RASSF8: variants seen among roughly 807,000 people sequenced by gnomAD.
RASSF8 encodes the protein ras association domain-containing protein 8.
In RASSF8, 22 loss-of-function variants were observed where a neutral mutation model predicts 48.5. That is an observed-to-expected ratio of 0.45 (90% CI 0.32 to 0.65). The LOEUF (loss-of-function observed/expected upper bound fraction) is 0.65. Among genes scored for constraint, RASSF8 ranks in the 30% least tolerant of loss-of-function variants. RASSF8 has a pLI of 0.03. For missense variants in RASSF8, 418 were observed against 489.2 expected, an observed-to-expected ratio of 0.85 and a Z score of 1.37; for synonymous variants, 127 against 171.5, an observed-to-expected ratio of 0.74 and a Z score of 2.03.
intron 2 of RASSF8, among the ~76,000 whole-genome samples, chr12:26,006,290 C>G (rs1472312494): frequency 6.6e-6 from 1 of 152,164 alleles, no homozygotes; most frequent in African/African-American, 2.4e-5. Flanking sequence ...AATCTGGGTG[C>G]AAGTCAGCTT....
At chr12:26,047,058 G>A (rs1345113662) in intron 2 of RASSF8, among the ~76,000 whole-genome samples, 1 of 152,104 alleles carries the variant, frequency 6.6e-6, no homozygotes, top group African/African-American at 2.4e-5. Flanking sequence ...AGCTTTAACG[G>A]GAGTTAAACC....
intron 2 of RASSF8, among the ~76,000 whole-genome samples, chr12:26,028,345 C>G (rs557407661): frequency 6.6e-6 from 1 of 152,058 alleles, no homozygotes; most frequent in Non-Finnish European, 1.5e-5. Context: ...TGTGTGATAA[C>G]CTTATTTGCC....
chr12:26,040,793 G>A (rs893858590), intron 2 of RASSF8, among the ~76,000 whole-genome samples: 1 of 152,016 alleles, frequency 6.6e-6, no homozygotes, highest in Non-Finnish European at 1.5e-5. Context: ...ATTCATATAG[G>A]ACTAACATGA....
downstream of RASSF8, among the ~76,000 whole-genome samples, chr12:26,076,245 C>A (rs933585605): frequency 1.3e-5 from 2 of 151,332 alleles, no homozygotes; most frequent in Non-Finnish European, 2.9e-5. Context: ...ACTGCCAGGA[C>A]TGATCACAAA....
In RASSF8 at chr12:25,991,540, G is replaced by A. The variant is rs116550849; in HGVS notation, c.-202-3497G>A. On this transcript the variant is annotated intron_variant, in intron 1 of 5. Coordinates refer to ENST00000689635, the MANE Select transcript of RASSF8 (RefSeq NM_001394098.1). ...ACCTAGGTGACAGTCCATTTTGTAC[G>A]TAGTCTACATGAAGGTTTGACTGGG... is the stretch of plus-strand genomic sequence containing the variant. Among the ~76,000 whole-genome samples the A allele has an allele frequency of 3.2e-3, 482 of 152,096 alleles. 3 individuals are homozygous for A. Among genetic ancestry groups the A allele is most frequent in the African/African-American group, 0.011 (452 of 41,498 alleles).
intron 2 of RASSF8, among the ~76,000 whole-genome samples, chr12:26,004,387 T>C (rs1942334707): frequency 6.6e-6 from 1 of 152,138 alleles, no homozygotes; most frequent in South Asian, 2.1e-4. Context: ...GAGCAGTGTG[T>C]TCCTGTCTTA....
chr12:25,978,437 T>C (rs756729276), intron 1 of RASSF8, among the ~76,000 whole-genome samples: 13 of 152,224 alleles, frequency 8.5e-5, no homozygotes, highest in Admixed American at 2.6e-4. Context: ...ATATATGTAC[T>C]ACATATAAAT....
chr12:26,066,336 A>G (rs1216827801), intron 4 of RASSF8, among the ~76,000 whole-genome samples: 1 of 152,208 alleles, frequency 6.6e-6, no homozygotes, highest in African/African-American at 2.4e-5. Context: ...AGGATGCCCA[A>G]GTAATACCTG....
At chr12:26,053,538 A>T (rs1943538693) in intron 2 of RASSF8, among the ~76,000 whole-genome samples, 1 of 152,224 alleles carries the variant, frequency 6.6e-6, no homozygotes, top group South Asian at 2.1e-4. Flanking sequence ...TGAAATTTAG[A>T]GTGCACACCA....
chr12:25,958,717 C>T lies in RASSF8; in HGVS notation c.-634C>T, dbSNP rs1452117665. On this transcript the variant is annotated 5_prime_UTR_variant, in exon 1 of 6. Coordinates refer to ENST00000689635, the MANE Select transcript of RASSF8 (RefSeq NM_001394098.1). ...GCCGCGGGAGCGAGCGGGTCGCCGACTCCTACGCCCGCGCTCCTCCTACGC... is the reference window on the plus strand; with the variant it reads ...GCCGCGGGAGCGAGCGGGTCGCCGATTCCTACGCCCGCGCTCCTCCTACGC... 1 of 146,378 alleles carries T rather than the reference C, an allele frequency of 6.8e-6. No homozygotes were observed. Among genetic ancestry groups the T allele is most frequent in the African/African-American group, 2.5e-5 (1 of 40,732 alleles). 9.1% of individuals were successfully genotyped at this position (146,378 alleles called of 1,614,324 possible).
chr12:26,050,718 T>G (rs187406832), intron 2 of RASSF8, among the ~76,000 whole-genome samples: 21 of 152,350 alleles, frequency 1.4e-4, no homozygotes, highest in African/African-American at 5.1e-4. Flanking sequence ...TTATTTAGGA[T>G]TCTGTAGAAA....
chr12:26,051,972 A>C (rs974872317), intron 2 of RASSF8, among the ~76,000 whole-genome samples: 11 of 152,330 alleles, frequency 7.2e-5, no homozygotes, highest in Non-Finnish European at 1.5e-5. Context: ...AAATGGTGAA[A>C]TCCCACCAAC....
intron 3 of RASSF8, among the ~76,000 whole-genome samples, chr12:26,058,416 G>A (rs1943657882): frequency 6.6e-6 from 1 of 152,228 alleles, no homozygotes; most frequent in Non-Finnish European, 1.5e-5. Context: ...AGCATGGACT[G>A]ATGACCAGAA....
intron 2 of RASSF8, among the ~76,000 whole-genome samples, chr12:26,016,157 G>C (rs2137042983): frequency 6.7e-6 from 1 of 148,984 alleles, no homozygotes; most frequent in East Asian, 2.0e-4. Flanking sequence ...ATTCATTTTT[G>C]TTTGTTTTAA....
intron 1 of RASSF8, chr12:25,959,359 C>T (rs1407889001): frequency 2.0e-5 from 3 of 152,374 alleles, no homozygotes; most frequent in Admixed American, 6.5e-5. Flanking sequence ...CGCCTCTCCT[C>T]GCGGCACACA....
intron 2 of RASSF8, among the ~76,000 whole-genome samples, chr12:26,035,813 A>T (rs1943135502): frequency 6.9e-6 from 1 of 145,254 alleles, no homozygotes; most frequent in African/African-American, 2.5e-5. Context: ...ACAATATATG[A>T]AATTATATAT....
chr12:26,047,919 A>G (rs536133484), intron 2 of RASSF8, among the ~76,000 whole-genome samples: 1 of 152,356 alleles, frequency 6.6e-6, no homozygotes, highest in Non-Finnish European at 1.5e-5. Context: ...GGTAGAGAGA[A>G]AGGGAGCTGG....
chr12:26,066,578 A>G (rs1943879724), intron 4 of RASSF8, among the ~76,000 whole-genome samples: 1 of 152,200 alleles, frequency 6.6e-6, no homozygotes, highest in African/African-American at 2.4e-5. Context: ...TTGACATTTA[A>G]AAAAAGGTAC....
intron 1 of RASSF8, among the ~76,000 whole-genome samples, chr12:25,973,525 T>C (rs1472827393): frequency 1.3e-5 from 2 of 152,210 alleles, no homozygotes; most frequent in East Asian, 3.9e-4. Flanking sequence ...CTTGAGATGC[T>C]GAGTTTGTGA....
Sources: gnomAD v4.1 joint callset for allele counts (sites outside exome capture counted in the v4.1 genomes callset) on GRCh38, gnomAD v4.1.1 for gene constraint, MANE v1.5 for transcripts, NCBI Gene and HGNC (gene_info 2026-07-23, HGNC 2026-07-21) for gene names.